PLCB1: variants seen among roughly 807,000 people sequenced by gnomAD.
The protein encoded by PLCB1 is 1-phosphatidylinositol 4,5-bisphosphate phosphodiesterase beta-1.
Under a neutral mutation model 161.8 loss-of-function variants are expected in PLCB1, and 46 were observed. The ratio of observed to expected loss-of-function variants is 0.28; its 90% CI spans 0.22 to 0.36. PLCB1 has a LOEUF of 0.36. Ranked by LOEUF, PLCB1 falls within the 10% of genes least tolerant of loss-of-function variation. The pLI is 1.00. For synonymous variants in PLCB1, 517 were observed against 503.7 expected (o/e 1.03, Z -0.35); for missense variants, 1,016 against 1,472.5 (o/e 0.69, Z 5.07).
At chr20:8,601,492 C>T (rs1254854185) in intron 3 of PLCB1, among the ~76,000 whole-genome samples, 1 of 152,034 alleles carries the variant, frequency 6.6e-6, no homozygotes, top group Non-Finnish European at 1.5e-5. Flanking sequence ...AATTTATTTC[C>T]CTGACTTGTG....
chr20:8,273,924 G>A (rs1982403170), intron 2 of PLCB1, among the ~76,000 whole-genome samples: 1 of 152,124 alleles, frequency 6.6e-6, no homozygotes, highest in Non-Finnish European at 1.5e-5. Context: ...GACAACAATA[G>A]TTCATAGAAC....
At chr20:8,613,354 G>T (rs1346084766) in intron 3 of PLCB1, among the ~76,000 whole-genome samples, 1 of 152,164 alleles carries the variant, frequency 6.6e-6, no homozygotes, top group Non-Finnish European at 1.5e-5. Flanking sequence ...GGTTTTCTGG[G>T]GGTGATGAGT....
At chr20:8,466,781 C>T (rs983436229) in intron 3 of PLCB1, among the ~76,000 whole-genome samples, 6 of 152,094 alleles carry the variant, frequency 3.9e-5, no homozygotes, top group African/African-American at 1.4e-4. Context: ...TCCCCAATTT[C>T]ATGTCATGCA....
At chr20:8,813,487 A>G (rs1984932577) in intron 31 of PLCB1, among the ~76,000 whole-genome samples, 2 of 152,172 alleles carry the variant, frequency 1.3e-5, no homozygotes, top group Non-Finnish European at 2.9e-5. Flanking sequence ...CCCAACCATC[A>G]TAATAAAAGG....
At chr20:8,343,938 A>G (rs1053322266) in intron 2 of PLCB1, among the ~76,000 whole-genome samples, 1 of 152,182 alleles carries the variant, frequency 6.6e-6, no homozygotes, top group Non-Finnish European at 1.5e-5. Context: ...TGGCTGACGT[A>G]CTCGTTGACA....
chr20:8,664,140 T>TA (rs990287495), intron 9 of PLCB1, among the ~76,000 whole-genome samples: 1 of 152,152 alleles, frequency 6.6e-6, no homozygotes, highest in Admixed American at 6.6e-5. Flanking sequence ...ATAATTGAAT[T>TA]AATGTAGCAG....
chr20:8,614,287 C>T (rs1177333775), intron 3 of PLCB1, among the ~76,000 whole-genome samples: 1 of 151,990 alleles, frequency 6.6e-6, no homozygotes, highest in Non-Finnish European at 1.5e-5. Flanking sequence ...TGCAATTACA[C>T]ACCAGGAATT....
At chr20:8,817,359 G>A (rs1985130623) in intron 31 of PLCB1, among the ~76,000 whole-genome samples, 1 of 152,094 alleles carries the variant, frequency 6.6e-6, no homozygotes, top group Non-Finnish European at 1.5e-5. Context: ...ACTTGGTATT[G>A]AAACTTGGTG....
intron 2 of PLCB1, among the ~76,000 whole-genome samples, chr20:8,165,992 T>G (rs1290637796): frequency 1.3e-5 from 2 of 152,154 alleles, no homozygotes; most frequent in Admixed American, 6.6e-5. Context: ...CTCAATGATT[T>G]CATACTAAAA....
At chr20:8,254,144 C>T (rs1981291849) in intron 2 of PLCB1, among the ~76,000 whole-genome samples, 1 of 151,910 alleles carries the variant, frequency 6.6e-6, no homozygotes, top group African/African-American at 2.4e-5. Flanking sequence ...AACCTTTTCC[C>T]TGCTAAATCT....
intron 3 of PLCB1, among the ~76,000 whole-genome samples, chr20:8,456,606 A>T (rs1981328861): frequency 6.6e-6 from 1 of 152,236 alleles, no homozygotes; most frequent in African/African-American, 2.4e-5. Context: ...ATATAGATTT[A>T]GCACATATAA....
intron 12 of PLCB1, 28 bp from the exon 13 acceptor site, chr20:8,716,236 T>G: frequency 6.3e-7 from 1 of 1,577,182 alleles, no homozygotes; most frequent in South Asian, 1.1e-5. Context: ...CTCCCTACTT[T>G]CCTTCTTCTG....
At chr20:8,383,568 T>G (rs1169323249) in intron 3 of PLCB1, among the ~76,000 whole-genome samples, 1 of 152,238 alleles carries the variant, frequency 6.6e-6, no homozygotes, top group East Asian at 1.9e-4. Context: ...AATTTGATCC[T>G]GTCATCATTA....
intron 10 of PLCB1, among the ~76,000 whole-genome samples, chr20:8,687,685 G>A (rs1990390920): frequency 6.6e-6 from 1 of 152,172 alleles, no homozygotes; most frequent in Non-Finnish European, 1.5e-5. Context: ...TTGTGGATGA[G>A]TAGTGTTCTA....
chr20:8,165,084 A>T (rs1040631940), intron 2 of PLCB1, among the ~76,000 whole-genome samples: 3 of 152,232 alleles, frequency 2.0e-5, no homozygotes, highest in African/African-American at 7.2e-5. Flanking sequence ...TGTACAAGAC[A>T]TTATTGTTAG....
intron 31 of PLCB1, among the ~76,000 whole-genome samples, chr20:8,790,668 G>C (rs1027444122): frequency 6.6e-6 from 1 of 152,138 alleles, no homozygotes; most frequent in Admixed American, 6.5e-5. Context: ...AGGATGCCCT[G>C]CACCAAAATC....
intron 3 of PLCB1, among the ~76,000 whole-genome samples, chr20:8,476,627 A>G (rs1982293777): frequency 6.6e-6 from 1 of 152,214 alleles, no homozygotes; most frequent in East Asian, 1.9e-4. Context: ...TAATGAGCAC[A>G]CAAATCACCT....
In PLCB1 at chr20:8,604,690, A is replaced by G. The variant is rs191374320; in HGVS notation, c.247-23604A>G. 1.6e-3 allele frequency among the ~76,000 whole-genome samples: 241 copies of G among 152,366 alleles called. 1 individual carries two copies. Among genetic ancestry groups the G allele is most frequent in the Middle Eastern group, 0.01 (3 of 294 alleles). ...CAGGAAGAGTAAAAACCAGGCTTTT[A>G]AAATTAAATTTCAGGCAATATCTTA... On this transcript the variant is annotated intron_variant, in intron 3 of 31. Transcript: ENST00000338037.
chr20:8,536,835 C>T (rs1050878441), intron 3 of PLCB1, among the ~76,000 whole-genome samples: 2 of 152,110 alleles, frequency 1.3e-5, no homozygotes, highest in African/African-American at 2.4e-5. Flanking sequence ...TCCTTTGCTG[C>T]ATGGGGGAAT....
Sources: gnomAD v4.1 joint callset for allele counts (sites outside exome capture counted in the v4.1 genomes callset) on GRCh38, gnomAD v4.1.1 for gene constraint, MANE v1.5 for transcripts, NCBI Gene and HGNC (gene_info 2026-07-23, HGNC 2026-07-21) for gene names.